Variants in FAF1 observed in about 807,000 individuals in gnomAD.
FAF1 encodes Fas associated factor 1, also known as FAS-associated factor 1.
Under a neutral mutation model 92.5 loss-of-function variants are expected in FAF1, and 25 were observed. The observed-to-expected ratio is 0.27, with a 90% confidence interval of 0.20 to 0.38. The LOEUF is 0.38. Among genes scored for constraint, FAF1 ranks in the 10% least tolerant of loss-of-function variants. FAF1 has a pLI of 1.00. For missense variants in FAF1, 636 were observed against 793.3 expected (o/e 0.80, Z 2.38); for synonymous variants, 234 against 273.2 (o/e 0.86, Z 1.42).
At chr1:50,908,395 G>A (rs889951023) in intron 1 of FAF1, among the ~76,000 whole-genome samples, 4 of 152,166 alleles carry the variant, frequency 2.6e-5, no homozygotes, top group Non-Finnish European at 4.4e-5. Context: ...GATCTGCTTG[G>A]TGCAGAGCTG....
chr1:50,939,285 T>C (rs1019599798), intron 1 of FAF1, among the ~76,000 whole-genome samples: 1 of 152,198 alleles, frequency 6.6e-6, no homozygotes, highest in Non-Finnish European at 1.5e-5. Flanking sequence ...TTCACGTCCT[T>C]GGTTAACTGT....
intron 18 of FAF1, chr1:50,451,875 C>T: frequency 9.6e-7 from 1 of 1,037,402 alleles, no homozygotes; most frequent in Non-Finnish European, 1.2e-6. Flanking sequence ...GTGAAGACAC[C>T]AGCTCTAAGG....
intron 3 of FAF1, among the ~76,000 whole-genome samples, chr1:50,790,162 GTTTT>G (rs959910527): frequency 6.6e-6 from 1 of 151,962 alleles, no homozygotes; most frequent in Non-Finnish European, 1.5e-5. Context: ...TTTTTTGTTT[GTTTT>G]TTTGAGACAC....
At chr1:50,880,773 C>T (rs1644605810) in intron 1 of FAF1, among the ~76,000 whole-genome samples, 2 of 152,018 alleles carry the variant, frequency 1.3e-5, no homozygotes, top group African/African-American at 4.8e-5. Flanking sequence ...TAATGTAGGG[C>T]AGAACAAAAA....
rs533801359 is a variant in FAF1 at position 50,694,545 on chromosome 1, T to C, written c.657+11241A>G. On this transcript the variant is annotated intron_variant, in intron 7 of 18. Transcript: ENST00000396153. ...TGATTATGGATCTCTTCTATAACACTATAGCCAGGAAAAAAAAAAAAACCC... is the reference window on the plus strand; with the variant it reads ...TGATTATGGATCTCTTCTATAACACCATAGCCAGGAAAAAAAAAAAAACCC... Among the ~76,000 whole-genome samples, 367 of 148,932 alleles carry C rather than the reference T, an allele frequency of 2.5e-3. 2 individuals carry two copies. Among genetic ancestry groups the C allele is most frequent in the Non-Finnish European group, 4.3e-3 (292 of 67,404 alleles).
At chr1:50,882,068 G>A (rs1013593715) in intron 1 of FAF1, among the ~76,000 whole-genome samples, 10 of 152,008 alleles carry the variant, frequency 6.6e-5, no homozygotes, top group East Asian at 3.9e-4. Context: ...CTAAAATGTC[G>A]TCATTACTCT....
At chr1:50,495,162 T>C (rs746123193) in intron 15 of FAF1, among the ~76,000 whole-genome samples, 3 of 152,156 alleles carry the variant, frequency 2.0e-5, no homozygotes, top group Admixed American at 6.5e-5. Context: ...TACAATGATT[T>C]TTACTATAGT....
chr1:50,958,136 TTTAA>T (rs918203351), intron 1 of FAF1, among the ~76,000 whole-genome samples: 5 of 152,158 alleles, frequency 3.3e-5, no homozygotes, highest in East Asian at 1.9e-4. Flanking sequence ...CTCTAAAAAA[TTTAA>T]TTAATTAATT....
intron 17 of FAF1, among the ~76,000 whole-genome samples, chr1:50,488,926 C>T (rs774274825): frequency 3.9e-4 from 59 of 152,254 alleles, no homozygotes; most frequent in African/African-American, 1.3e-3. Context: ...GTTTGTCAGG[C>T]ATAATATCTT....
intron 15 of FAF1, among the ~76,000 whole-genome samples, chr1:50,524,936 A>C (rs777850792): frequency 6.6e-6 from 1 of 151,514 alleles, no homozygotes; most frequent in Non-Finnish European, 1.5e-5. Context: ...CCCAGGGTGT[A>C]GTGCAGTGGT....
intron 15 of FAF1, among the ~76,000 whole-genome samples, chr1:50,513,269 C>T (rs1436955549): frequency 6.6e-6 from 1 of 152,112 alleles, no homozygotes; most frequent in African/African-American, 2.4e-5. Context: ...TGCTTGAGCC[C>T]AGGAGTTCAA....
chr1:50,642,647 T>TA (rs1293102552), intron 8 of FAF1, among the ~76,000 whole-genome samples: 1 of 152,002 alleles, frequency 6.6e-6, no homozygotes, highest in Non-Finnish European at 1.5e-5. Context: ...AGACTCCATC[T>TA]AAAAAATAAT....
chr1:50,819,967 C>T (rs1644028747), intron 2 of FAF1, among the ~76,000 whole-genome samples: 1 of 150,558 alleles, frequency 6.6e-6, no homozygotes, highest in Admixed American at 6.6e-5. Context: ...TAGAAAAATG[C>T]AATCTCAGAT....
chr1:50,901,006 G>A (rs1444758190), intron 1 of FAF1, among the ~76,000 whole-genome samples: 2 of 151,992 alleles, frequency 1.3e-5, no homozygotes, highest in African/African-American at 4.8e-5. Flanking sequence ...ATTTGATCTT[G>A]ATGTGACAGT....
chr1:50,688,603 G>A (rs924668465), intron 7 of FAF1, among the ~76,000 whole-genome samples: 9 of 152,054 alleles, frequency 5.9e-5, no homozygotes, highest in East Asian at 3.9e-4. Context: ...ACCTGAGGGC[G>A]GAAGTTCGAG....
intron 6 of FAF1, among the ~76,000 whole-genome samples, chr1:50,729,283 G>A (rs1030172070): frequency 3.3e-5 from 5 of 150,866 alleles, no homozygotes; most frequent in South Asian, 2.1e-4. Flanking sequence ...TCAAACTCCC[G>A]ACCTCAGGTG....
intron 7 of FAF1, among the ~76,000 whole-genome samples, chr1:50,657,026 C>T (rs974964879): frequency 8.6e-5 from 13 of 151,784 alleles, no homozygotes; most frequent in African/African-American, 3.1e-4. Flanking sequence ...GCCTGGGCAA[C>T]ATAGTGAGAC....
At chr1:50,595,895 T>TC (rs1259046478) in intron 9 of FAF1, among the ~76,000 whole-genome samples, 2 of 152,054 alleles carry the variant, frequency 1.3e-5, no homozygotes, top group African/African-American at 4.8e-5. Context: ...TTTCAACCAA[T>TC]CCATCTGAAT....
intron 1 of FAF1, among the ~76,000 whole-genome samples, chr1:50,922,475 A>AAG (rs1644972215): frequency 6.8e-6 from 1 of 147,166 alleles, no homozygotes; most frequent in Non-Finnish European, 1.5e-5. Flanking sequence ...AAAAAAAAAA[A>AAG]AAAAAAAGAA....
Sources: allele counts gnomAD v4.1 joint callset (sites outside exome capture counted in the v4.1 genomes callset), GRCh38; gene constraint gnomAD v4.1.1; transcripts MANE v1.5; gene names NCBI Gene and HGNC (gene_info 2026-07-23, HGNC 2026-07-21).